Variants in ASAP1 observed in about 807,000 individuals in gnomAD.
ASAP1 encodes arf-GAP with SH3 domain, ANK repeat and PH domain-containing protein 1.
Under a neutral mutation model 145.2 loss-of-function variants are expected in ASAP1, and 43 were observed. The ratio of observed to expected loss-of-function variants is 0.30; its 90% CI spans 0.23 to 0.38. The LOEUF (loss-of-function observed/expected upper bound fraction) is 0.38. ASAP1 is among the 10% of genes least tolerant of loss of function. The probability of loss-of-function intolerance (pLI) is 1.00; values close to 1 mark genes in which losing one functional copy is unlikely to be tolerated. For synonymous variants in ASAP1, 546 were observed against 515.5 expected, an observed-to-expected ratio of 1.06 and a Z score of -0.80; for missense variants, 1,018 against 1,355.3, an observed-to-expected ratio of 0.75 and a Z score of 3.91.
intron 11 of ASAP1, among the ~76,000 whole-genome samples, chr8:130,164,772 A>T (rs182732804): frequency 2.0e-5 from 3 of 152,196 alleles, no homozygotes; most frequent in Non-Finnish European, 2.9e-5. Flanking sequence ...TTCACAACTA[A>T]AATTCTTGGA....
intron 3 of ASAP1, among the ~76,000 whole-genome samples, chr8:130,340,403 ACT>A (rs2137904277): frequency 6.6e-6 from 1 of 152,128 alleles, no homozygotes; most frequent in African/African-American, 2.4e-5. Flanking sequence ...ACACAAATTA[ACT>A]CACCCTGGGC....
In ASAP1 at chr8:130,118,679, A is replaced by T; in HGVS notation, c.1608-4T>A. 2 of 1,462,706 alleles carry T rather than the reference A, an allele frequency of 1.4e-6. No individual in the cohort carries two copies. The highest frequency in any genetic ancestry group is 1.8e-6 in the Non-Finnish European group (2 of 1,096,418). 90.6% of individuals were successfully genotyped at this position (1,462,706 alleles called of 1,614,324 possible). On this transcript the variant is annotated splice_region_variant and splice_polypyrimidine_tract_variant and intron_variant, in intron 18 of 29. Transcript: ENST00000518721. Reference sequence around the variant, plus strand: ...GATATATTCTTTTCGTACAGTCCTAAAACAGAACAAAATAAAGAATTTTTA... The same window carrying T: ...GATATATTCTTTTCGTACAGTCCTATAACAGAACAAAATAAAGAATTTTTA...
chr8:130,341,008 G>A, intron 3 of ASAP1: 1 of 423,238 alleles, frequency 2.4e-6, no homozygotes, highest in South Asian at 1.7e-5. Flanking sequence ...TGGTGGAGGG[G>A]TGGTTTTTTA....
intron 3 of ASAP1, among the ~76,000 whole-genome samples, chr8:130,262,416 A>AAGAGAGAGAGAGAGAG (rs71513089): frequency 1.7e-5 from 1 of 57,850 alleles, no homozygotes; most frequent in Non-Finnish European, 3.0e-5. Flanking sequence ...AAAAAAAAAA[A>AAGAGAGAGAGAGAGAG]AGAGAGAGAG....
intron 3 of ASAP1, among the ~76,000 whole-genome samples, chr8:130,343,866 T>C: frequency 6.6e-6 from 1 of 152,350 alleles, no homozygotes; most frequent in East Asian, 1.9e-4. Flanking sequence ...GAAATGTTCA[T>C]GATGTGTTAA....
chr8:130,218,962 A>T (rs1817112892), intron 4 of ASAP1, among the ~76,000 whole-genome samples: 1 of 152,126 alleles, frequency 6.6e-6, no homozygotes, highest in Non-Finnish European at 1.5e-5. Flanking sequence ...ATTTCCTAGC[A>T]TAAAAATATA....
chr8:130,118,267 A>G (rs370628646), intron 19 of ASAP1, 21 bp from the exon 20 acceptor site: 27 of 1,610,026 alleles, frequency 1.7e-5, no homozygotes, highest in African/African-American at 4.0e-5. Flanking sequence ...AAAGAAAAGT[A>G]TAAGTAAGTC....
At position 130,188,741 on chromosome 8, in the gene ASAP1, A is replaced by AAAAAG. The variant is rs1186073722; in HGVS notation, c.406-563_406-559dup. 2.6e-3 allele frequency among the ~76,000 whole-genome samples: 373 copies of AAAAAG among 144,934 alleles called. 3 individuals are homozygous for AAAAAG. The highest frequency in any genetic ancestry group is 3.6e-3 in the Non-Finnish European group (234 of 65,846). On this transcript the variant is annotated intron_variant, in intron 5 of 29. Coordinates refer to ENST00000518721, the MANE Select transcript of ASAP1 (RefSeq NM_018482.4). ...ACTCTCTCAAAAAAAAAAAAAAAAA[A>AAAAAG]AAAAGAAAAGAAAAGAAAATTGAAT...
At chr8:130,197,112 C>CA (rs1210579976) in intron 5 of ASAP1, among the ~76,000 whole-genome samples, 2 of 152,232 alleles carry the variant, frequency 1.3e-5, no homozygotes, top group Non-Finnish European at 2.9e-5. Context: ...TAGCCCATGC[C>CA]AGTGTCAGTG....
intron 23 of ASAP1, among the ~76,000 whole-genome samples, chr8:130,112,649 C>A (rs74966037): frequency 0.1 from 15,515 of 152,274 alleles, 926 homozygotes; most frequent in South Asian, 0.27. Context: ...TTTTCAGCAA[C>A]ATTTGAATAG....
At chr8:130,061,201 G>T in intron 27 of ASAP1, 132 bp from the exon 28 acceptor site, 1 of 1,111,620 alleles carries the variant, frequency 9.0e-7, no homozygotes, top group Non-Finnish European at 1.2e-6. Context: ...GAACTCAGGG[G>T]CCAGGCCCAC....
chr8:130,099,167 C>T (rs1242499065), intron 24 of ASAP1, among the ~76,000 whole-genome samples: 1 of 151,702 alleles, frequency 6.6e-6, no homozygotes, highest in Non-Finnish European at 1.5e-5. Flanking sequence ...GTGTACGCCA[C>T]CAGGCCTAGC....
chr8:130,276,004 G>C (rs1255531420), intron 3 of ASAP1, among the ~76,000 whole-genome samples: 1 of 152,216 alleles, frequency 6.6e-6, no homozygotes, highest in Non-Finnish European at 1.5e-5. Context: ...ATGACAGAGT[G>C]ATCAAGGAAA....
chr8:130,244,473 A>G (rs1818728165), intron 3 of ASAP1, among the ~76,000 whole-genome samples: 1 of 152,184 alleles, frequency 6.6e-6, no homozygotes, highest in African/African-American at 2.4e-5. Context: ...CTATCTCCTC[A>G]TCTGAAAGGG....
intron 3 of ASAP1, among the ~76,000 whole-genome samples, chr8:130,281,903 A>G (rs1459653644): frequency 1.3e-5 from 2 of 152,102 alleles, no homozygotes; most frequent in African/African-American, 4.8e-5. Context: ...CATCTCTACT[A>G]AAAATACAAA....
rs2097684483 is a variant in ASAP1 at position 130,168,396 on chromosome 8, G to A, written c.822+596C>T. Among the ~76,000 whole-genome samples, 2 of 152,142 alleles carry A rather than the reference G, an allele frequency of 1.3e-5. 1 individual carries two copies. The highest frequency in any genetic ancestry group is 4.2e-4 in the South Asian group (2 of 4,816). Reference sequence around the variant, plus strand: ...GTGGTGGCTCACGCTTGTAATCCCAGCACTTTGGGAGGCCAAGGCGGGTGG... The same window carrying A: ...GTGGTGGCTCACGCTTGTAATCCCAACACTTTGGGAGGCCAAGGCGGGTGG... On this transcript the variant is annotated intron_variant, in intron 10 of 29. Transcript: ENST00000518721.
chr8:130,244,154 G>T (rs1018479139), intron 3 of ASAP1, among the ~76,000 whole-genome samples: 1 of 152,154 alleles, frequency 6.6e-6, no homozygotes, highest in East Asian at 1.9e-4. Flanking sequence ...AGGTAGCATG[G>T]TATCAGACCT....
chr8:130,128,981 G>C (rs1205034890), intron 15 of ASAP1, among the ~76,000 whole-genome samples: 1 of 152,158 alleles, frequency 6.6e-6, no homozygotes, highest in South Asian at 2.1e-4. Flanking sequence ...TAATCCCCAC[G>C]TGTCTGGGGA....
At chr8:130,402,002 G>A (rs1181228947) in intron 1 of ASAP1, 32 bp from the exon 2 acceptor site, 12 of 1,458,028 alleles carry the variant, frequency 8.2e-6, no homozygotes, top group Non-Finnish European at 1.1e-5. Context: ...AAGGGGACAA[G>A]AGTCATCCGG....
Sources: gnomAD v4.1 joint callset for allele counts (sites outside exome capture counted in the v4.1 genomes callset) on GRCh38, gnomAD v4.1.1 for gene constraint, MANE v1.5 for transcripts, NCBI Gene and HGNC (gene_info 2026-07-23, HGNC 2026-07-21) for gene names.